The following LPAR1 variants were observed in gnomAD, a reference collection of about 807,000 sequenced individuals.
LPAR1 encodes the protein lysophosphatidic acid receptor 1.
In LPAR1, 5 loss-of-function variants were observed where a neutral mutation model predicts 23.8. That is an observed-to-expected ratio of 0.21 (90% CI 0.11 to 0.44). The LOEUF (loss-of-function observed/expected upper bound fraction) is 0.44, where lower values mean the gene tolerates loss of function less well. Among genes scored for constraint, LPAR1 ranks in the 20% least tolerant of loss-of-function variants. The pLI is 0.99. For synonymous variants in LPAR1, 160 were observed against 164.7 expected (o/e 0.97, Z 0.22); for missense variants, 311 against 482.8 (o/e 0.64, Z 3.33).
chr9:110,895,617 C>A (rs1367296402), intron 5 of LPAR1, among the ~76,000 whole-genome samples: 1 of 152,126 alleles, frequency 6.6e-6, no homozygotes, highest in Non-Finnish European at 1.5e-5. Context: ...CTATTTTTCA[C>A]AGGTCACAGT....
At chr9:111,024,341 A>G (rs2097637752) in intron 2 of LPAR1, among the ~76,000 whole-genome samples, 1 of 150,214 alleles carries the variant, frequency 6.7e-6, no homozygotes, top group South Asian at 2.1e-4. Context: ...TGAAAATGGC[A>G]GCTAATACAT....
intron 2 of LPAR1, among the ~76,000 whole-genome samples, chr9:111,030,207 C>A (rs1017793996): frequency 1.3e-5 from 2 of 152,144 alleles, no homozygotes; most frequent in Non-Finnish European, 2.9e-5. Flanking sequence ...CTTGCCCTAG[C>A]CTTTGAACCT....
At chr9:111,003,982 A>C (rs1342819169) in intron 2 of LPAR1, among the ~76,000 whole-genome samples, 1 of 152,202 alleles carries the variant, frequency 6.6e-6, no homozygotes. Context: ...TGTCAAAGTC[A>C]CATTAACTAT....
In LPAR1 at chr9:110,900,053, G is replaced by A. The variant is rs562613424; in HGVS notation, c.794-24331C>T. On this transcript the variant is annotated intron_variant, in intron 5 of 5. Coordinates refer to ENST00000683809, the MANE Select transcript of LPAR1 (RefSeq NM_001351411.2). Reference sequence around the variant, plus strand: ...CCTCTTAAAAATAACTCACTTATTTGTATTCGTTTTCTATTTCTGCTGTAA... The same window carrying A: ...CCTCTTAAAAATAACTCACTTATTTATATTCGTTTTCTATTTCTGCTGTAA... Among the ~76,000 whole-genome samples the A allele has an allele frequency of 2.6e-5, 4 of 152,266 alleles. No individual in the cohort carries two copies. The South Asian group carries it at 8.3e-4, about 32-fold the overall frequency.
chr9:110,948,226 C>T (rs2095453016), intron 4 of LPAR1, among the ~76,000 whole-genome samples: 1 of 152,008 alleles, frequency 6.6e-6, no homozygotes, highest in African/African-American at 2.4e-5. Flanking sequence ...AATTAAATTC[C>T]ATTAAGTCTC....
At chr9:110,999,833 A>C (rs73541439) in intron 2 of LPAR1, among the ~76,000 whole-genome samples, 1,540 of 152,104 alleles carry the variant, frequency 0.01, 20 homozygotes, top group African/African-American at 0.032. Flanking sequence ...GCCTCCCAAG[A>C]AGCTGAAACT....
chr9:110,875,459 A>G lies in LPAR1; in HGVS notation c.1057T>C (p.Leu353=). Residue 353 remains leucine, a synonymous_variant, in exon 6 of 6, where the codon TTG becomes CTG. Transcript: ENST00000683809. ...TGGTCATTGCTGTGAACTCCAGCCA[A>G]GATGGTGTGGTTGAGGGAGGAAGCC... is the stretch of plus-strand genomic sequence containing the variant. The part of the protein sequence containing the change: ...RSASSLNHTI[L]AGVHSNDHSV... The G allele has an allele frequency of 6.2e-7, 1 of 1,613,932 alleles. No homozygotes were observed. Among genetic ancestry groups the G allele is most frequent in the South Asian group, 1.1e-5 (1 of 91,062 alleles).
At position 110,973,479 on chromosome 9, in the gene LPAR1, A is replaced by G. The variant is rs1187016233; in HGVS notation, c.-104+2T>C. On this transcript the variant is annotated splice_donor_variant, in intron 3 of 5. Transcript: ENST00000683809. LOFTEE classifies it low-confidence loss of function (5UTR_SPLICE). Reference sequence around the variant, plus strand: ...TTTTAAGACTAAAGAAAGGCAAGATACCTGATGCTGTAGGTGTCAGTCCTG... The same window carrying G: ...TTTTAAGACTAAAGAAAGGCAAGATGCCTGATGCTGTAGGTGTCAGTCCTG... 3 of 152,236 alleles carry G rather than the reference A, an allele frequency of 2.0e-5. No homozygotes were observed. Among genetic ancestry groups the G allele is most frequent in the Admixed American group, 6.5e-5 (1 of 15,280 alleles). The allele number at this position is 152,236 out of a possible 1,614,324, so 9.4% of individuals were successfully genotyped here.
chr9:110,935,581 G>T (rs1004622243), intron 5 of LPAR1, among the ~76,000 whole-genome samples: 1 of 152,092 alleles, frequency 6.6e-6, no homozygotes, highest in East Asian at 1.9e-4. Flanking sequence ...TTGAGCTCAC[G>T]AGTTCAACAC....
At chr9:110,987,969 A>G (rs2096822781) in intron 2 of LPAR1, among the ~76,000 whole-genome samples, 1 of 152,180 alleles carries the variant, frequency 6.6e-6, no homozygotes, top group South Asian at 2.1e-4. Context: ...TAAAATCTTT[A>G]AAGTTACTGG....
At chr9:110,961,146 T>C (rs1357511508) in intron 4 of LPAR1, among the ~76,000 whole-genome samples, 2 of 151,768 alleles carry the variant, frequency 1.3e-5, no homozygotes, top group Admixed American at 6.6e-5. Context: ...AATAAACTTA[T>C]ACAATTTTTA....
At chr9:110,956,832 C>T (rs1006407294) in intron 4 of LPAR1, among the ~76,000 whole-genome samples, 5 of 152,162 alleles carry the variant, frequency 3.3e-5, no homozygotes, top group Admixed American at 2.6e-4. Context: ...GACTAAATGA[C>T]TTCACTGCCA....
At chr9:110,935,642 A>C (rs2094653751) in intron 5 of LPAR1, among the ~76,000 whole-genome samples, 1 of 152,114 alleles carries the variant, frequency 6.6e-6, no homozygotes. Flanking sequence ...AAAAAGAACA[A>C]ACAGAGAGCA....
At chr9:110,922,824 A>ATTATTATTAT (rs1554786500) in intron 5 of LPAR1, among the ~76,000 whole-genome samples, 1 of 142,242 alleles carries the variant, frequency 7.0e-6, no homozygotes, top group African/African-American at 2.6e-5. Context: ...TCTTATTATT[A>ATTATTATTAT]TATTATTATT....
intron 2 of LPAR1, among the ~76,000 whole-genome samples, chr9:111,028,439 T>A (rs930977148): frequency 2.0e-5 from 3 of 152,146 alleles, no homozygotes; most frequent in African/African-American, 7.2e-5. Flanking sequence ...TTCCACATAT[T>A]TTAAAATGAG....
At chr9:111,000,946 C>T (rs551318971) in intron 2 of LPAR1, among the ~76,000 whole-genome samples, 3 of 152,124 alleles carry the variant, frequency 2.0e-5, no homozygotes, top group Non-Finnish European at 4.4e-5. Context: ...AACCTTAAGA[C>T]AGCTGGTACA....
intron 5 of LPAR1, among the ~76,000 whole-genome samples, chr9:110,880,890 A>G (rs1031066532): frequency 5.3e-5 from 8 of 152,192 alleles, no homozygotes; most frequent in Non-Finnish European, 8.8e-5. Flanking sequence ...CTATTAAGGT[A>G]CACACATACT....
At position 110,875,735 on chromosome 9, in the gene LPAR1, G is replaced by A. The variant is rs1428159196; in HGVS notation, c.794-13C>T. 1 of 1,496,492 alleles carries A rather than the reference G, an allele frequency of 6.7e-7. No homozygotes were observed. The highest frequency in any genetic ancestry group is 9.0e-7 in the Non-Finnish European group (1 of 1,109,830). The allele number at this position is 1,496,492 out of a possible 1,614,324, so 92.7% of individuals were successfully genotyped here. On this transcript the variant is annotated splice_polypyrimidine_tract_variant and intron_variant, in intron 5 of 5. Coordinates refer to ENST00000683809, the MANE Select transcript of LPAR1 (RefSeq NM_001351411.2). ...ATGATAAAGGCCCCTACAAGGACAA[G>A]GATAGGGATCAGAAGGATTTTTAAA...
intron 5 of LPAR1, among the ~76,000 whole-genome samples, chr9:110,909,908 C>T (rs1016736283): frequency 4.0e-5 from 6 of 151,696 alleles, no homozygotes; most frequent in South Asian, 4.2e-4. Context: ...CCACCATGCT[C>T]GGCTAATTTT....
Sources: gnomAD v4.1 joint callset for allele counts (sites outside exome capture counted in the v4.1 genomes callset) on GRCh38, gnomAD v4.1.1 for gene constraint, MANE v1.5 for transcripts, NCBI Gene and HGNC (gene_info 2026-07-23, HGNC 2026-07-21) for gene names.